Variants in SLC38A7 observed in about 807,000 individuals in gnomAD.
The protein encoded by SLC38A7 is sodium-coupled neutral amino acid transporter 7.
SLC38A7 carries 29 observed loss-of-function variants against 50.1 expected under a neutral mutation model. The ratio of observed to expected loss-of-function variants is 0.58; its 90% CI spans 0.43 to 0.79. SLC38A7 has a LOEUF of 0.79. Among genes scored for constraint, SLC38A7 ranks in the 30% least tolerant of loss-of-function variants. The pLI is 0.00. For missense variants in SLC38A7, 483 were observed against 610.6 expected, an observed-to-expected ratio of 0.79 and a Z score of 2.20; for synonymous variants, 244 against 245.9, an observed-to-expected ratio of 0.99 and a Z score of 0.07.
At chr16:58,671,973 C>T (rs1032761829) in intron 9 of SLC38A7, 123 bp downstream of exon 9, 18 of 1,227,068 alleles carry the variant, frequency 1.5e-5, no homozygotes, top group South Asian at 5.0e-5. Flanking sequence ...TCCTAGGCAC[C>T]GACTCTTTTC....
Position 58,672,230 on chromosome 16 carries a change from GAA to G in SLC38A7, c.895_896del (p.Phe299ProfsTer10). 1 of 1,582,902 alleles carries G rather than the reference GAA, an allele frequency of 6.3e-7. No homozygotes were observed. The highest frequency in any genetic ancestry group is 8.6e-7 in the Non-Finnish European group (1 of 1,164,428). ...GATCCACAGCAGCTCCAAAGGTCAG[GAA>G]GCCACAGATGCCTGTGGGCAGGGAC... ...AVYMGTGICG[F>X]LTFGAAVDPD... On this transcript the variant is annotated frameshift_variant, in exon 9 of 12. Transcript: ENST00000219320. LOFTEE classifies it high-confidence loss of function.
chr16:58,679,373 CAAAGCAAGACT>C (rs2044337857), intron 3 of SLC38A7, among the ~76,000 whole-genome samples: 1 of 152,066 alleles, frequency 6.6e-6, no homozygotes, highest in Admixed American at 6.6e-5. Flanking sequence ...GCCTGGGTGA[CAAAGCAAGACT>C]CCATCTCAAA....
Position 58,667,206 on chromosome 16 carries a change from G to A in SLC38A7, c.*179C>T, listed in dbSNP as rs910489632. 3 of 573,020 alleles carry A rather than the reference G, an allele frequency of 5.2e-6. No homozygotes were observed. In the African/African-American group the frequency reaches 5.7e-5, roughly 11 times the overall value. 35.5% of individuals were successfully genotyped at this position (573,020 alleles called of 1,614,324 possible). ...CTGCCAGGACTGGGGAGCAGGAAGG[G>A]GACTGGATTTGAGCTGTCCAGAGGT... On this transcript the variant is annotated 3_prime_UTR_variant, in exon 12 of 12. Transcript: ENST00000219320.
In SLC38A7 at chr16:58,671,035, G is replaced by A; in HGVS notation, c.1231+10C>T. On this transcript the variant is annotated intron_variant, in intron 10 of 11. Coordinates refer to ENST00000219320, the MANE Select transcript of SLC38A7 (RefSeq NM_018231.3). ...GTGGGGCTGTGAGATGGGGCGCCAG[G>A]GGTCCGCACCTGGGAAGACGAAGAT... The A allele has an allele frequency of 1.3e-6, 2 of 1,577,554 alleles. No individual in the cohort carries two copies. Among genetic ancestry groups the A allele is most frequent in the Non-Finnish European group, 1.7e-6 (2 of 1,162,720 alleles).
In SLC38A7 at chr16:58,671,633, C is replaced by T. The variant is rs184217657; in HGVS notation, c.1032-389G>A. ...CTGGAGTGCAGTGGTGCAATCTTGG[C>T]TCACTGCAGCCTTGAACTCCTGGGC... is the stretch of plus-strand genomic sequence containing the variant. On this transcript the variant is annotated intron_variant, in intron 9 of 11. Transcript: ENST00000219320. 106 of 268,652 alleles carry T rather than the reference C, an allele frequency of 3.9e-4. 1 individual carries two copies. The highest frequency in any genetic ancestry group is 2.6e-3 in the Middle Eastern group (2 of 758). The allele number at this position is 268,652 out of a possible 1,614,324, so 16.6% of individuals were successfully genotyped here.
At chr16:58,673,033 T>C (rs924470349) in intron 8 of SLC38A7, among the ~76,000 whole-genome samples, 4 of 151,336 alleles carry the variant, frequency 2.6e-5, no homozygotes, top group African/African-American at 9.7e-5. Flanking sequence ...GTTCAAGTGA[T>C]TCTCCTGCCT....
intron 1 of SLC38A7, chr16:58,684,437 A>G (rs1037159776): frequency 2.0e-5 from 3 of 152,554 alleles, no homozygotes; most frequent in Non-Finnish European, 4.4e-5. Flanking sequence ...GGGCGGGGCG[A>G]TTCCCAGGCC....
At position 58,680,138 on chromosome 16, in the gene SLC38A7, C is replaced by A; in HGVS notation, c.-12G>T. On this transcript the variant is annotated 5_prime_UTR_variant, in exon 3 of 12. Transcript: ENST00000219320. ...CTGACCTGGGCCATGGCCCCGAGAG[C>A]CTTCTTCCTGCAAGGTCTGTGGGTT... is the stretch of plus-strand genomic sequence containing the variant. 6.6e-7 allele frequency: 1 copy of A among 1,514,154 alleles called. No individual in the cohort carries two copies. The highest frequency in any genetic ancestry group is 1.3e-5 in the South Asian group (1 of 74,992). 93.8% of individuals were successfully genotyped at this position (1,514,154 alleles called of 1,614,324 possible).
chr16:58,669,194 C>A (rs2044110631), intron 11 of SLC38A7, among the ~76,000 whole-genome samples: 2 of 144,938 alleles, frequency 1.4e-5, no homozygotes, highest in Non-Finnish European at 3.0e-5. Flanking sequence ...CGGCTCACTG[C>A]AACCTCCGCC....
At position 58,678,711 on chromosome 16, in the gene SLC38A7, C is replaced by T. The variant is rs1203918459; in HGVS notation, c.454G>A (p.Asp152Asn). Residue 152 changes from aspartate to asparagine, a missense_variant, in exon 4 of 12, where the codon GAC becomes AAC. By Grantham distance (23) the Asp-to-Asn change is conservative. Transcript: ENST00000219320. This position sits in a 1 kb window ranked among gnomAD's most constrained non-coding sequence, Gnocchi z 4.0. ...AGAAGCTCACTCTTGTCCTGCTGGT[C>T]GCCAATGATGATTAGGAAGGCAATG... is the stretch of plus-strand genomic sequence containing the variant. ...TCIAFLIIIGDQQDKIIAVMA... is the reference protein window; with the variant it reads ...TCIAFLIIIGNQQDKIIAVMA... The T allele has an allele frequency of 4.3e-6, 7 of 1,613,798 alleles. No homozygotes were observed. Among genetic ancestry groups the T allele is most frequent in the African/African-American group, 1.3e-5 (1 of 74,908 alleles).
At chr16:58,677,246 C>A (rs547239025) in intron 6 of SLC38A7, 80 bp downstream of exon 6, 20 of 1,178,176 alleles carry the variant, frequency 1.7e-5, no homozygotes. Flanking sequence ...ACCTGTGTGG[C>A]CTTCTGGTTC....
Position 58,672,237 on chromosome 16 carries a change from C to T in SLC38A7, c.890G>A (p.Cys297Tyr). The change falls in exon 9 of 12, where the codon TGT becomes TAT. Residue 297 changes from cysteine to tyrosine, a missense_variant. Cys to Tyr is a radical substitution (Grantham distance 194). Coordinates refer to ENST00000219320, the MANE Select transcript of SLC38A7 (RefSeq NM_018231.3). ...ALAVYMGTGI[C>Y]GFLTFGAAVD... ...AGCAGCTCCAAAGGTCAGGAAGCCA[C>T]AGATGCCTGTGGGCAGGGACAACTG... The T allele has an allele frequency of 1.3e-6, 2 of 1,582,224 alleles. No individual in the cohort carries two copies. The highest frequency in any genetic ancestry group is 2.3e-5 in the East Asian group (1 of 43,288).
chr16:58,672,991 G>T (rs1306832994), intron 8 of SLC38A7, among the ~76,000 whole-genome samples: 2 of 150,932 alleles, frequency 1.3e-5, no homozygotes, highest in Admixed American at 1.3e-4. Flanking sequence ...GCGGTGGCAC[G>T]ATCTCGGCTC....
intron 8 of SLC38A7, among the ~76,000 whole-genome samples, chr16:58,674,127 C>T (rs542334105): frequency 2.2e-4 from 34 of 152,234 alleles, no homozygotes; most frequent in Non-Finnish European, 4.6e-4. Flanking sequence ...GCCTGGCGGA[C>T]GCCCAGCTAA....
Position 58,667,348 on chromosome 16 carries a change from C to A in SLC38A7, c.*37G>T. On this transcript the variant is annotated 3_prime_UTR_variant, in exon 12 of 12. Transcript: ENST00000219320. ...GCTCTAAGAGATGGGTTCCTGCGACCAATGGCAAAGGCCTTGTGTTCCCTG... is the reference window on the plus strand; with the variant it reads ...GCTCTAAGAGATGGGTTCCTGCGACAAATGGCAAAGGCCTTGTGTTCCCTG... 1.2e-6 allele frequency: 2 copies of A among 1,602,566 alleles called. No individual in the cohort carries two copies. The highest frequency in any genetic ancestry group is 1.7e-6 in the Non-Finnish European group (2 of 1,169,842).
intron 6 of SLC38A7, 54 bp from the exon 7 acceptor site, chr16:58,676,400 C>T (rs2044267761): frequency 8.8e-6 from 14 of 1,592,270 alleles, no homozygotes; most frequent in Non-Finnish European, 1.2e-5. Context: ...GAGCCACAAC[C>T]CACCCCACGC....
At chr16:58,680,529 T>C (rs1197398679) in intron 2 of SLC38A7, among the ~76,000 whole-genome samples, 1 of 152,198 alleles carries the variant, frequency 6.6e-6, no homozygotes, top group Non-Finnish European at 1.5e-5. Context: ...GGCAGGTGTG[T>C]CATGGATATA....
Position 58,667,262 on chromosome 16 carries a change from A to C in SLC38A7, c.*123T>G. 9.8e-7 allele frequency: 1 copy of C among 1,023,314 alleles called. No individual in the cohort carries two copies. The highest frequency in any genetic ancestry group is 1.5e-6 in the Non-Finnish European group (1 of 677,312). The allele number at this position is 1,023,314 out of a possible 1,614,324, so 63.4% of individuals were successfully genotyped here. A position where few individuals can be genotyped will look rare whatever the true frequency, so the allele number is the denominator to read the frequency against. ...GCCTGAGTTTGCCCCAGTCCCTGGA[A>C]GAGGATGTCCGGATGTCATCCCACC... On this transcript the variant is annotated 3_prime_UTR_variant, in exon 12 of 12. Coordinates refer to ENST00000219320, the MANE Select transcript of SLC38A7 (RefSeq NM_018231.3).
chr16:58,678,480 C>A lies in SLC38A7; in HGVS notation c.470-6G>T, dbSNP rs1248584055. 1 of 1,550,068 alleles carries A rather than the reference C, an allele frequency of 6.5e-7. No homozygotes were observed. Among genetic ancestry groups the A allele is most frequent in the Non-Finnish European group, 8.7e-7 (1 of 1,145,832 alleles). ...TTTCGCCATCACAGCTATAACTGCA[C>A]AGGGAGGAAGGAGGGAATGTCAAGC... On this transcript the variant is annotated splice_polypyrimidine_tract_variant and splice_region_variant and intron_variant, in intron 4 of 11. Coordinates refer to ENST00000219320, the MANE Select transcript of SLC38A7 (RefSeq NM_018231.3). The surrounding 1 kb of genome is among the most constrained non-coding windows in gnomAD (Gnocchi z 4.0).
Sources: allele counts gnomAD v4.1 joint callset (sites outside exome capture counted in the v4.1 genomes callset), GRCh38; gene constraint gnomAD v4.1.1; non-coding constraint Gnocchi (gnomAD v3.1); transcripts MANE v1.5; gene names NCBI Gene and HGNC (gene_info 2026-07-23, HGNC 2026-07-21).